The following PTPRM variants were observed in gnomAD, a reference collection of about 807,000 sequenced individuals.
PTPRM encodes the protein protein tyrosine phosphatase receptor type M.
PTPRM carries 47 observed loss-of-function variants against 186.7 expected under a neutral mutation model. The ratio of observed to expected loss-of-function variants is 0.25; its 90% confidence interval spans 0.20 to 0.32. The LOEUF is 0.32. Among genes scored for constraint, PTPRM ranks in the 10% least tolerant of loss-of-function variants. PTPRM has a pLI of 1.00. For synonymous variants in PTPRM, 668 were observed against 674.9 expected, an observed-to-expected ratio of 0.99 and a Z score of 0.16; for missense variants, 1,494 against 1,865.0, an observed-to-expected ratio of 0.80 and a Z score of 3.66.
At chr18:8,206,391 G>A (rs1488010628) in intron 14 of PTPRM, among the ~76,000 whole-genome samples, 1 of 151,970 alleles carries the variant, frequency 6.6e-6, no homozygotes, top group Non-Finnish European at 1.5e-5. Context: ...AGTAGCTACA[G>A]GCGCCCGCCA....
chr18:8,383,402 G>A (rs1466551914), intron 29 of PTPRM, among the ~76,000 whole-genome samples: 1 of 146,904 alleles, frequency 6.8e-6, no homozygotes, highest in Admixed American at 6.8e-5. Context: ...AACTTTAAAT[G>A]CCTGTTAAGG....
intron 2 of PTPRM, among the ~76,000 whole-genome samples, chr18:7,812,195 T>C (rs1177936475): frequency 6.6e-6 from 1 of 152,230 alleles, no homozygotes; most frequent in African/African-American, 2.4e-5. Context: ...TTCCCAGTTT[T>C]TCTCTGCCCA....
chr18:7,634,737 C>T (rs1192251786), intron 1 of PTPRM, among the ~76,000 whole-genome samples: 1 of 152,070 alleles, frequency 6.6e-6, no homozygotes, highest in African/African-American at 2.4e-5. Flanking sequence ...TTGTTGCATC[C>T]CTAGTTATCA....
chr18:7,660,292 T>C (rs2038949045), intron 1 of PTPRM, among the ~76,000 whole-genome samples: 1 of 151,816 alleles, frequency 6.6e-6, no homozygotes, highest in African/African-American at 2.4e-5. Context: ...GTCGAGATCA[T>C]GCCACTGCAT....
Position 8,210,800 on chromosome 18 carries a change from T to C in PTPRM, c.2301-33258T>C, listed in dbSNP as rs568735288. 3.2e-4 allele frequency among the ~76,000 whole-genome samples: 48 copies of C among 152,056 alleles called. 3 individuals carry two copies. The highest frequency in any genetic ancestry group is 4.6e-4 in the Admixed American group (7 of 15,282). On this transcript the variant is annotated intron_variant, in intron 14 of 32. Coordinates refer to ENST00000580170, the MANE Select transcript of PTPRM (RefSeq NM_001105244.2). ...CTGGGGGAACTGTTGCTTTAAAGGG[T>C]TTGGGAGTTGAGGAGGAACTAGCAA...
chr18:8,032,372 T>C (rs1005969308), intron 7 of PTPRM, among the ~76,000 whole-genome samples: 1 of 152,186 alleles, frequency 6.6e-6, no homozygotes, highest in African/African-American at 2.4e-5. Flanking sequence ...CCTCTTATTG[T>C]TGTTTCCACT....
intron 32 of PTPRM, among the ~76,000 whole-genome samples, chr18:8,398,799 T>C (rs1598612317): frequency 6.7e-6 from 1 of 149,142 alleles, no homozygotes; most frequent in South Asian, 2.1e-4. Flanking sequence ...ATTAATTCAG[T>C]CACAAAAGGC....
At chr18:7,687,998 G>A (rs145141946) in intron 1 of PTPRM, among the ~76,000 whole-genome samples, 1,933 of 152,082 alleles carry the variant, frequency 0.013, 22 homozygotes, top group Middle Eastern at 0.048. Flanking sequence ...GGATGGTCTC[G>A]ATCTCTTGAC....
At chr18:8,156,276 T>A (rs962719551) in intron 14 of PTPRM, among the ~76,000 whole-genome samples, 1 of 151,864 alleles carries the variant, frequency 6.6e-6, no homozygotes, top group African/African-American at 2.4e-5. Context: ...AAAAAAAGAG[T>A]GTGGGGAACA....
chr18:8,358,624 A>G (rs573991974), intron 23 of PTPRM, among the ~76,000 whole-genome samples: 2 of 152,342 alleles, frequency 1.3e-5, no homozygotes, highest in East Asian at 3.9e-4. Flanking sequence ...GGCAAAAGCC[A>G]GAGAATAAAA....
intron 2 of PTPRM, among the ~76,000 whole-genome samples, chr18:7,877,130 T>C (rs2048285147): frequency 6.6e-6 from 1 of 152,200 alleles, no homozygotes; most frequent in African/African-American, 2.4e-5. Flanking sequence ...GTTTTATAAG[T>C]ATAATTAGCA....
intron 28 of PTPRM, 122 bp from the exon 29 acceptor site, chr18:8,380,174 T>C: frequency 9.6e-7 from 1 of 1,042,602 alleles, no homozygotes; most frequent in Non-Finnish European, 1.4e-6. Context: ...GTGACAGAAT[T>C]CAACAGCTGT....
chr18:7,568,009 G>A lies in PTPRM; in HGVS notation c.73+118G>A, dbSNP rs555209164. On this transcript the variant is annotated intron_variant, in intron 1 of 32. Transcript: ENST00000580170. The surrounding 1 kb of genome is among the most constrained non-coding windows in gnomAD (Gnocchi z 5.1). ...CTGGCGTCGGGGCCGGGCGGGGGGC[G>A]CGGCGGGCCGGACACCGCTTCTGCC... 1.3e-5 allele frequency: 13 copies of A among 988,156 alleles called. No individual in the cohort carries two copies. In the South Asian group the frequency reaches 2.0e-4, roughly 15 times the overall value. The allele number at this position is 988,156 out of a possible 1,614,324, so 61.2% of individuals were successfully genotyped here.
At chr18:7,790,682 G>A (rs1197687394) in intron 2 of PTPRM, among the ~76,000 whole-genome samples, 1 of 152,086 alleles carries the variant, frequency 6.6e-6, no homozygotes, top group Non-Finnish European at 1.5e-5. Context: ...AGTATTAATT[G>A]GTGTGAAGCC....
intron 2 of PTPRM, among the ~76,000 whole-genome samples, chr18:7,838,571 G>A (rs112649876): frequency 8.7e-4 from 133 of 152,348 alleles, no homozygotes; most frequent in Non-Finnish European, 1.6e-3. Context: ...GGAGACACAA[G>A]CACCCCTGTG....
chr18:7,614,180 C>T (rs187300999), intron 1 of PTPRM, among the ~76,000 whole-genome samples: 47 of 152,244 alleles, frequency 3.1e-4, no homozygotes, highest in Non-Finnish European at 2.9e-5. Context: ...ATGATTTAAG[C>T]GTTATTGTGG....
At chr18:8,317,227 G>A (rs992598758) in intron 21 of PTPRM, among the ~76,000 whole-genome samples, 2 of 152,094 alleles carry the variant, frequency 1.3e-5, no homozygotes, top group Non-Finnish European at 2.9e-5. Flanking sequence ...GAAATGGCGA[G>A]ACCCTTGAGC....
intron 8 of PTPRM, among the ~76,000 whole-genome samples, chr18:8,072,446 A>G (rs1268545416): frequency 6.6e-6 from 1 of 152,154 alleles, no homozygotes; most frequent in Non-Finnish European, 1.5e-5. Flanking sequence ...ATAAAAATCT[A>G]TTGTTTTCCT....
intron 7 of PTPRM, among the ~76,000 whole-genome samples, chr18:7,989,522 T>C (rs1334828377): frequency 1.3e-5 from 2 of 152,218 alleles, no homozygotes; most frequent in Non-Finnish European, 2.9e-5. Flanking sequence ...GAAGCACTTC[T>C]GTATGTTCTT....
Sources: gnomAD v4.1 joint callset for allele counts (sites outside exome capture counted in the v4.1 genomes callset) on GRCh38, gnomAD v4.1.1 for gene constraint, Gnocchi (gnomAD v3.1) non-coding constraint, MANE v1.5 for transcripts, NCBI Gene and HGNC (gene_info 2026-07-23, HGNC 2026-07-21) for gene names.